Variants in TNPO3 observed in about 807,000 individuals in gnomAD.
TNPO3 encodes transportin-3.
In TNPO3, 65 loss-of-function variants were observed where a neutral mutation model predicts 122.8. The observed-to-expected ratio is 0.53, with a 90% confidence interval of 0.43 to 0.65. The LOEUF is 0.65. Among genes scored for constraint, TNPO3 ranks in the 30% least tolerant of loss-of-function variants. The pLI is 0.00. For synonymous variants in TNPO3, 372 were observed against 411.2 expected (o/e 0.90, Z 1.15); for missense variants, 850 against 1,136.7 (o/e 0.75, Z 3.63).
chr7:129,055,521 C>T (rs1427378363), upstream of TNPO3: 1 of 158,522 alleles, frequency 6.3e-6, no homozygotes, highest in African/African-American at 2.4e-5. Flanking sequence ...GAGACAGACA[C>T]GTAGTCAACT....
intron 10 of TNPO3, among the ~76,000 whole-genome samples, chr7:128,990,826 C>T (rs1223634220): frequency 2.0e-5 from 3 of 152,166 alleles, no homozygotes; most frequent in African/African-American, 7.2e-5. Flanking sequence ...CCTAAAGTGG[C>T]AGAACTTAAT....
intron 14 of TNPO3, 85 bp downstream of exon 14, chr7:128,982,163 G>C (rs187152033): frequency 1.7e-6 from 2 of 1,199,232 alleles, no homozygotes; most frequent in Non-Finnish European, 2.4e-6. Context: ...GGAAGTATGA[G>C]GAAAAAATAC....
chr7:129,046,195 CAAAAAAAAAAAAAAA>C (rs5887409), intron 1 of TNPO3, among the ~76,000 whole-genome samples: 3 of 79,302 alleles, frequency 3.8e-5, no homozygotes. Context: ...GACTCCGTCT[CAAAAAAAAAAAAAAA>C]AAAAAAAGAA....
chr7:128,975,728 G>C (rs567374634), intron 17 of TNPO3, 91 bp downstream of exon 17: 6 of 791,400 alleles, frequency 7.6e-6, no homozygotes, highest in African/African-American at 3.5e-5. Context: ...ACATAAAGAA[G>C]CAACAGAATT....
chr7:128,995,751 T>G (rs1374468939), intron 8 of TNPO3, among the ~76,000 whole-genome samples: 6 of 152,156 alleles, frequency 3.9e-5, no homozygotes, highest in Non-Finnish European at 8.8e-5. Flanking sequence ...CAGGCTGGAG[T>G]GCAGTGGCGC....
At position 128,991,960 on chromosome 7, in the gene TNPO3, TA is replaced by T. The variant is rs765598250; in HGVS notation, c.1358+38del. Reference sequence around the variant, plus strand: ...ATAGTGTCATTTTCCTTCCTCTTGATATTTAGAGTTCCCAGCAAAAGACTTA... The same window carrying T: ...ATAGTGTCATTTTCCTTCCTCTTGATTTTAGAGTTCCCAGCAAAAGACTTA... On this transcript the variant is annotated intron_variant, in intron 10 of 22. Coordinates refer to ENST00000265388, the MANE Select transcript of TNPO3 (RefSeq NM_012470.4). The T allele has an allele frequency of 2.3e-5, 32 of 1,391,864 alleles. No individual in the cohort carries two copies. In the African/African-American group the frequency reaches 4.6e-4, roughly 20 times the overall value. 86.2% of individuals were successfully genotyped at this position (1,391,864 alleles called of 1,614,324 possible).
At chr7:128,973,268 GA>G (rs2128996276) in intron 18 of TNPO3, among the ~76,000 whole-genome samples, 1 of 152,278 alleles carries the variant, frequency 6.6e-6, no homozygotes, top group Admixed American at 6.5e-5. Context: ...GCTGGATTTT[GA>G]AAGTAGTTTT....
chr7:129,003,554 A>G (rs1802237786), intron 5 of TNPO3, among the ~76,000 whole-genome samples: 1 of 151,964 alleles, frequency 6.6e-6, no homozygotes, highest in African/African-American at 2.4e-5. Context: ...TATCCCAGCT[A>G]CTTGGGAGGC....
intron 7 of TNPO3, among the ~76,000 whole-genome samples, chr7:128,998,179 G>A (rs958691286): frequency 2.6e-5 from 4 of 151,864 alleles, no homozygotes; most frequent in African/African-American, 9.7e-5. Flanking sequence ...AGCCAGGCGC[G>A]AAACACCATC....
chr7:128,981,498 T>A (rs1799623973), intron 14 of TNPO3, among the ~76,000 whole-genome samples: 1 of 152,118 alleles, frequency 6.6e-6, no homozygotes, highest in South Asian at 2.1e-4. Flanking sequence ...GAAAGTATGG[T>A]CTCTGGATTA....
intron 1 of TNPO3, among the ~76,000 whole-genome samples, chr7:129,040,538 A>G (rs777961995): frequency 2.5e-4 from 38 of 152,218 alleles, no homozygotes; most frequent in Non-Finnish European, 5.0e-4. Flanking sequence ...AAATATACAT[A>G]TAAGAAAAAA....
At chr7:128,982,101 G>T in intron 14 of TNPO3, 147 bp downstream of exon 14, 1 of 583,944 alleles carries the variant, frequency 1.7e-6, no homozygotes, top group Non-Finnish European at 2.9e-6. Context: ...CTTTGCCCCA[G>T]AACTTCAGGT....
chr7:129,050,109 C>T (rs1446251726), intron 1 of TNPO3, among the ~76,000 whole-genome samples: 2 of 151,628 alleles, frequency 1.3e-5, no homozygotes, highest in South Asian at 2.1e-4. Flanking sequence ...GTGGGCTGGG[C>T]GCAGTCACTC....
At position 128,977,510 on chromosome 7, in the gene TNPO3, A is replaced by T. The variant is rs371243177; in HGVS notation, c.2061+1473T>A. 3.9e-5 allele frequency among the ~76,000 whole-genome samples: 6 copies of T among 152,196 alleles called. No homozygotes were observed. In the East Asian group the frequency reaches 9.6e-4, roughly 24 times the overall value. On this transcript the variant is annotated intron_variant, in intron 16 of 22. Transcript: ENST00000265388. ...TTTAGAGAGGCAAGGTTATCCAAGT[A>T]CCAACACCGCACCAGCATGCCTGTG...
chr7:129,056,131 C>A, upstream of TNPO3: 1 of 1,034,208 alleles, frequency 9.7e-7, no homozygotes, highest in Non-Finnish European at 1.5e-6. Context: ...CCTGCCGACA[C>A]CAAGGTGATT....
Position 129,001,080 on chromosome 7 carries a change from A to C in TNPO3, c.851T>G (p.Val284Gly). 3 of 1,614,186 alleles carry C rather than the reference A, an allele frequency of 1.9e-6. No individual in the cohort carries two copies. The highest frequency in any genetic ancestry group is 2.5e-6 in the Non-Finnish European group (3 of 1,180,000). The change falls in exon 6 of 23, where the codon GTG (valine) becomes GGG (glycine). Residue 284 changes from valine (V) to glycine (G), a missense_variant. Coordinates refer to ENST00000265388, the MANE Select transcript of TNPO3 (RefSeq NM_012470.4). ...LTLETAYHMA[V>G]AREDLDKVLN... ...TCACTTGTCTAAATCTTCACGTGCC[A>C]CGGCCATATGATAGGCAGTCTCCAA... is the stretch of plus-strand genomic sequence containing the variant.
At chr7:129,015,943 A>T (rs1803801474) in intron 3 of TNPO3, among the ~76,000 whole-genome samples, 1 of 152,062 alleles carries the variant, frequency 6.6e-6, no homozygotes, top group South Asian at 2.1e-4. Context: ...CCCAATAAAA[A>T]TTTTATTTAA....
intron 4 of TNPO3, among the ~76,000 whole-genome samples, chr7:129,007,245 C>A (rs1195806360): frequency 6.6e-6 from 1 of 152,088 alleles, no homozygotes; most frequent in Non-Finnish European, 1.5e-5. Context: ...AGGTAGGAAA[C>A]AGCATAGCCA....
chr7:129,028,970 CA>C, intron 1 of TNPO3: 8 of 443,984 alleles, frequency 1.8e-5, no homozygotes, highest in East Asian at 7.0e-5. Flanking sequence ...CATTCTGGAC[CA>C]AAAAATTAAT....
Sources: gnomAD v4.1 joint callset for allele counts (sites outside exome capture counted in the v4.1 genomes callset) on GRCh38, gnomAD v4.1.1 for gene constraint, MANE v1.5 for transcripts, NCBI Gene and HGNC (gene_info 2026-07-23, HGNC 2026-07-21) for gene names.